SEMA3E: variants seen among roughly 807,000 people sequenced by gnomAD.
SEMA3E encodes the protein semaphorin 3E.
In SEMA3E, 49 loss-of-function variants were observed where a neutral mutation model predicts 93.6. That is an observed-to-expected ratio of 0.52 (90% CI 0.42 to 0.66). The LOEUF (loss-of-function observed/expected upper bound fraction) is 0.66, where lower values mean the gene tolerates loss of function less well. Ranked by LOEUF, SEMA3E falls within the 30% of genes least tolerant of loss-of-function variation. The probability of loss-of-function intolerance (pLI) is 0.00; values close to 1 mark genes in which losing one functional copy is unlikely to be tolerated. For synonymous variants in SEMA3E, 363 were observed against 330.7 expected, an observed-to-expected ratio of 1.10 and a Z score of -1.06; for missense variants, 906 against 964.8, an observed-to-expected ratio of 0.94 and a Z score of 0.81.
intron 5 of SEMA3E, among the ~76,000 whole-genome samples, chr7:83,415,613 A>AT (rs1206166920): frequency 6.6e-6 from 1 of 152,220 alleles, no homozygotes; most frequent in East Asian, 1.9e-4. Context: ...TATTTATTCA[A>AT]TTTTTTATTA....
At chr7:83,544,501 T>TA in intron 1 of SEMA3E, among the ~76,000 whole-genome samples, 1 of 152,138 alleles carries the variant, frequency 6.6e-6, no homozygotes, top group Admixed American at 6.6e-5. Flanking sequence ...TGTATTGTGT[T>TA]CCAAAATCCC....
chr7:83,389,422 A>G (rs1041215995), intron 14 of SEMA3E, among the ~76,000 whole-genome samples: 1 of 149,524 alleles, frequency 6.7e-6, no homozygotes, highest in African/African-American at 2.4e-5. Flanking sequence ...GGAAACTACA[A>G]TCAAATAATT....
chr7:83,421,241 T>C (rs1450633169), intron 4 of SEMA3E, among the ~76,000 whole-genome samples: 1 of 142,568 alleles, frequency 7.0e-6, no homozygotes, highest in Non-Finnish European at 1.6e-5. Context: ...TTTAATAACA[T>C]AGAATAATGC....
intron 1 of SEMA3E, among the ~76,000 whole-genome samples, chr7:83,644,087 T>A (rs144106650): frequency 6.6e-6 from 1 of 152,100 alleles, no homozygotes; most frequent in African/African-American, 2.4e-5. Flanking sequence ...TTATTTAACA[T>A]TGTGCTCTTT....
intron 1 of SEMA3E, among the ~76,000 whole-genome samples, chr7:83,625,029 G>T (rs1254920958): frequency 1.3e-5 from 2 of 152,072 alleles, no homozygotes; most frequent in African/African-American, 4.8e-5. Context: ...AATATCAGAT[G>T]GTTGTAGATG....
At chr7:83,595,637 A>ACC (rs1792855961) in intron 1 of SEMA3E, among the ~76,000 whole-genome samples, 2 of 151,966 alleles carry the variant, frequency 1.3e-5, no homozygotes, top group South Asian at 4.1e-4. Context: ...GCCTTTCATG[A>ACC]TCTTGATACT....
At chr7:83,624,081 T>A (rs1793620981) in intron 1 of SEMA3E, among the ~76,000 whole-genome samples, 1 of 152,212 alleles carries the variant, frequency 6.6e-6, no homozygotes. Flanking sequence ...TTCATAATAC[T>A]CAGTGGTGTG....
chr7:83,411,189 C>T (rs1788432885), intron 5 of SEMA3E, among the ~76,000 whole-genome samples: 1 of 151,914 alleles, frequency 6.6e-6, no homozygotes, highest in Admixed American at 6.6e-5. Flanking sequence ...TAGGTGGCAG[C>T]CCTATGATGC....
chr7:83,614,958 A>G (rs1793333873), intron 1 of SEMA3E, among the ~76,000 whole-genome samples: 1 of 152,166 alleles, frequency 6.6e-6, no homozygotes, highest in Non-Finnish European at 1.5e-5. Flanking sequence ...ATAACATCCT[A>G]TCCATTGCTC....
chr7:83,563,247 T>C (rs1299531429), intron 1 of SEMA3E, among the ~76,000 whole-genome samples: 1 of 152,224 alleles, frequency 6.6e-6, no homozygotes, highest in South Asian at 2.1e-4. Context: ...GATTATCACC[T>C]GTAATAGAAC....
intron 1 of SEMA3E, among the ~76,000 whole-genome samples, chr7:83,505,050 G>A (rs893946288): frequency 7.2e-5 from 11 of 152,136 alleles, no homozygotes; most frequent in Admixed American, 6.5e-4. Context: ...TTATATAGTG[G>A]TTTCTTCATG....
intron 16 of SEMA3E, among the ~76,000 whole-genome samples, chr7:83,377,710 C>T (rs1169351610): frequency 6.6e-6 from 1 of 151,936 alleles, no homozygotes; most frequent in African/African-American, 2.4e-5. Flanking sequence ...TTCTGAGCAG[C>T]TTGAAGAAGC....
Position 83,383,920 on chromosome 7 carries a change from A to G in SEMA3E, c.1875+1374T>C, listed in dbSNP as rs999468241. ...CCAAGGGAATTACAAGGAATTTAAA[A>G]AGCCATTTCACCTCAGATTTGTGAA... is the stretch of plus-strand genomic sequence containing the variant. On this transcript the variant is annotated intron_variant, in intron 16 of 16. Transcript: ENST00000643230. Among the ~76,000 whole-genome samples the G allele has an allele frequency of 2.6e-5, 4 of 152,002 alleles. No individual in the cohort carries two copies. In the Admixed American group the frequency reaches 2.6e-4, roughly 10 times the overall value.
intron 4 of SEMA3E, among the ~76,000 whole-genome samples, chr7:83,445,734 A>T: frequency 6.6e-6 from 1 of 152,266 alleles, no homozygotes; most frequent in Non-Finnish European, 1.5e-5. Flanking sequence ...AAAATAAATA[A>T]ATAAATAAAA....
chr7:83,371,879 G>T (rs1002599860), intron 16 of SEMA3E: 2 of 160,098 alleles, frequency 1.2e-5, no homozygotes, highest in Non-Finnish European at 2.7e-5. Context: ...TTCCTTTATA[G>T]CCCCTAAAGG....
At chr7:83,618,789 T>C (rs1236962513) in intron 1 of SEMA3E, among the ~76,000 whole-genome samples, 1 of 151,860 alleles carries the variant, frequency 6.6e-6, no homozygotes, top group Non-Finnish European at 1.5e-5. Context: ...TAAAATACAA[T>C]AAAATTGGGG....
At chr7:83,555,632 T>G (rs1041384410) in intron 1 of SEMA3E, among the ~76,000 whole-genome samples, 4 of 152,158 alleles carry the variant, frequency 2.6e-5, no homozygotes, top group African/African-American at 9.7e-5. Flanking sequence ...AATCAGCAAA[T>G]CAATAGACTC....
At chr7:83,616,887 G>T (rs112766130) in intron 1 of SEMA3E, among the ~76,000 whole-genome samples, 3,478 of 152,080 alleles carry the variant, frequency 0.023, 137 homozygotes, top group African/African-American at 0.079. Flanking sequence ...ACCACACCTG[G>T]CTAGTTTTTG....
chr7:83,456,820 G>C (rs1027300787), intron 4 of SEMA3E, among the ~76,000 whole-genome samples: 1 of 151,862 alleles, frequency 6.6e-6, no homozygotes, highest in Non-Finnish European at 1.5e-5. Flanking sequence ...CACCATGTTG[G>C]CCAGGCTGGT....
Sources: gnomAD v4.1 joint callset for allele counts (sites outside exome capture counted in the v4.1 genomes callset) on GRCh38, gnomAD v4.1.1 for gene constraint, MANE v1.5 for transcripts, NCBI Gene and HGNC (gene_info 2026-07-23, HGNC 2026-07-21) for gene names.